The following FLVCR1 variants were observed in gnomAD, a reference collection of about 807,000 sequenced individuals.
The protein encoded by FLVCR1 is choline/ethanolamine transporter FLVCR1.
In FLVCR1, 34 loss-of-function variants were observed where a neutral mutation model predicts 53.6. The observed-to-expected ratio is 0.63, with a 90% CI of 0.48 to 0.84. FLVCR1 has a LOEUF of 0.84. Among genes scored for constraint, FLVCR1 ranks in the 40% least tolerant of loss-of-function variants. The pLI is 0.00. For synonymous variants in FLVCR1, 300 were observed against 286.3 expected, an observed-to-expected ratio of 1.05 and a Z score of -0.48; for missense variants, 677 against 696.7, an observed-to-expected ratio of 0.97 and a Z score of 0.32.
At chr1:212,877,811 A>C (rs7528119) in intron 3 of FLVCR1, among the ~76,000 whole-genome samples, 103,849 of 151,632 alleles carry the variant, frequency 0.68, 37,168 homozygotes, top group East Asian at 1. Context: ...TAAAGGCAAA[A>C]GTTAGAGCCA....
intron 1 of FLVCR1, among the ~76,000 whole-genome samples, chr1:212,862,446 G>A (rs1664273544): frequency 6.6e-6 from 1 of 152,096 alleles, no homozygotes; most frequent in African/African-American, 2.4e-5. Flanking sequence ...TTTTGTGTCT[G>A]GCTTCTTTCA....
chr1:212,892,378 G>C lies in FLVCR1; in HGVS notation c.1526-2608G>C, dbSNP rs944905801. ...TGACTTCACATTGAAACTAATGCTT[G>C]TTGACCATTCTGAAAATCCTAGGGC... is the stretch of plus-strand genomic sequence containing the variant. On this transcript the variant is annotated intron_variant, in intron 8 of 9. Transcript: ENST00000366971. 2.0e-5 allele frequency among the ~76,000 whole-genome samples: 3 copies of C among 152,336 alleles called. No homozygotes were observed. The East Asian group carries it at 5.8e-4, about 29-fold the overall frequency.
intron 2 of FLVCR1, among the ~76,000 whole-genome samples, chr1:212,865,485 A>ATTTTTTTTTTTTTTTTTTT (rs58544929): frequency 3.0e-5 from 4 of 133,654 alleles, no homozygotes; most frequent in Non-Finnish European, 3.1e-5. Context: ...TGCAATAGGG[A>ATTTTTTTTTTTTTTTTTTT]TTTTTTTTTT....
intron 2 of FLVCR1, among the ~76,000 whole-genome samples, chr1:212,866,474 CTTTT>C (rs200827176): frequency 1.3e-4 from 19 of 147,726 alleles, no homozygotes; most frequent in South Asian, 8.5e-4. Flanking sequence ...TCTGATTTTC[CTTTT>C]TTTTTTTTTT....
intron 5 of FLVCR1, 60 bp from the exon 6 acceptor site, chr1:212,887,831 A>G: frequency 1.1e-6 from 1 of 891,492 alleles, no homozygotes; most frequent in East Asian, 2.4e-5. Flanking sequence ...AAGAGTGATG[A>G]TTTTTGTATT....
chr1:212,859,231 G>T (rs764476486), intron 1 of FLVCR1, 41 bp downstream of exon 1: 14 of 1,613,684 alleles, frequency 8.7e-6, no homozygotes, highest in Non-Finnish European at 1.0e-5. Flanking sequence ...ATCCTTAAAA[G>T]ACCGGAAAAA....
chr1:212,895,167 A>G (rs1665300423), intron 9 of FLVCR1, 49 bp from the exon 10 acceptor site: 1 of 1,448,864 alleles, frequency 6.9e-7, no homozygotes, highest in Admixed American at 1.7e-5. Context: ...CTGTTATAAT[A>G]GGATATGCCA....
chr1:212,894,908 C>A (rs1033277758), intron 8 of FLVCR1, 78 bp from the exon 9 acceptor site: 20 of 943,088 alleles, frequency 2.1e-5, no homozygotes, highest in African/African-American at 3.2e-5. Flanking sequence ...TTTGACAATA[C>A]CAAGAAAGAC....
Position 212,858,968 on chromosome 1 carries a change from C to T in FLVCR1, c.516C>T (p.Gly172=), listed in dbSNP as rs750063360. 9 of 1,614,136 alleles carry T rather than the reference C, an allele frequency of 5.6e-6. No homozygotes were observed. Among genetic ancestry groups the T allele is most frequent in the African/African-American group, 1.3e-5 (1 of 75,070 alleles). The change falls in exon 1 of 10, where the codon GGC becomes GGT. Residue 172 remains glycine (G), a synonymous_variant. Transcript: ENST00000366971. ...CCACCTGGCTGCTGGACACCAGAGGCCTGCGGCTCACCGCCCTGCTGGGCT... is the reference window on the plus strand; with the variant it reads ...CCACCTGGCTGCTGGACACCAGAGGTCTGCGGCTCACCGCCCTGCTGGGCT... ...FPATWLLDTR[G]LRLTALLGSG...
chr1:212,863,944 T>G (rs1421976130), intron 2 of FLVCR1, 75 bp downstream of exon 2: 3 of 1,245,784 alleles, frequency 2.4e-6, no homozygotes, highest in Non-Finnish European at 3.5e-6. Context: ...CTGGAAATTT[T>G]TGTTGATAAT....
chr1:212,875,532 T>C (rs976268675), intron 3 of FLVCR1, among the ~76,000 whole-genome samples: 3 of 152,144 alleles, frequency 2.0e-5, no homozygotes, highest in Non-Finnish European at 4.4e-5. Context: ...TTTGGTGTCT[T>C]TGATACCACA....
intron 3 of FLVCR1, among the ~76,000 whole-genome samples, chr1:212,879,390 G>A (rs1002854373): frequency 2.6e-5 from 4 of 152,084 alleles, no homozygotes; most frequent in Non-Finnish European, 5.9e-5. Flanking sequence ...CCCCCTCCGT[G>A]CCTAATATGA....
intron 5 of FLVCR1, among the ~76,000 whole-genome samples, chr1:212,886,990 T>G (rs931363997): frequency 4.6e-5 from 7 of 152,110 alleles, no homozygotes; most frequent in African/African-American, 1.4e-4. Flanking sequence ...ACCCCTGTAC[T>G]TGGAAATGAA....
chr1:212,859,121 C>G lies in FLVCR1; in HGVS notation c.669C>G (p.Arg223=), dbSNP rs1165292425. ...AQVFILGLPS[R]IASVWFGPKE... is the part of the protein sequence containing the mutation. ...TGTTCATCCTGGGCTTGCCCTCCCG[C>G]ATCGCCTCAGTGTGGTTTGGGCCCA... Residue 223 remains arginine, a synonymous_variant, in exon 1 of 10, where the codon CGC becomes CGG. Transcript: ENST00000366971. 22 of 1,613,946 alleles carry G rather than the reference C, an allele frequency of 1.4e-5. No homozygotes were observed. The highest frequency in any genetic ancestry group is 1.9e-5 in the Non-Finnish European group (22 of 1,180,012).
chr1:212,877,520 T>C (rs1037887138), intron 3 of FLVCR1, among the ~76,000 whole-genome samples: 3 of 152,086 alleles, frequency 2.0e-5, no homozygotes, highest in Non-Finnish European at 4.4e-5. Context: ...GCCATGAATG[T>C]CTTTTGAGAA....
At chr1:212,894,702 T>G (rs930190599) in intron 8 of FLVCR1, among the ~76,000 whole-genome samples, 2 of 152,204 alleles carry the variant, frequency 1.3e-5, no homozygotes, top group South Asian at 4.1e-4. Flanking sequence ...CTTGTTTACA[T>G]GTCAAAGTTT....
At position 212,897,003 on chromosome 1, in the gene FLVCR1, A is replaced by T. The variant is rs1343297456; in HGVS notation, c.*1713A>T. 4 of 151,632 alleles carry T rather than the reference A, an allele frequency of 2.6e-5. No homozygotes were observed. Among genetic ancestry groups the T allele is most frequent in the African/African-American group, 9.7e-5 (4 of 41,158 alleles). The allele number at this position is 151,632 out of a possible 1,614,324, so 9.4% of individuals were successfully genotyped here. A position where few individuals can be genotyped will look rare whatever the true frequency, so the allele number is the denominator to read the frequency against. On this transcript the variant is annotated 3_prime_UTR_variant, in exon 10 of 10. Transcript: ENST00000366971. ...AGCCTGGCCAAGATGGTGAAACCCCATCTCTACTAAAAATACAAAAATTAG... is the reference window on the plus strand; with the variant it reads ...AGCCTGGCCAAGATGGTGAAACCCCTTCTCTACTAAAAATACAAAAATTAG...
chr1:212,883,122 A>G (rs1485833417), intron 3 of FLVCR1, among the ~76,000 whole-genome samples: 1 of 152,188 alleles, frequency 6.6e-6, no homozygotes, highest in Non-Finnish European at 1.5e-5. Context: ...TCTAAATAAT[A>G]ATAGTATTAG....
Position 212,895,312 on chromosome 1 carries a change from C to T in FLVCR1, c.*22C>T. The T allele has an allele frequency of 1.9e-6, 3 of 1,570,728 alleles. No individual in the cohort carries two copies. The highest frequency in any genetic ancestry group is 2.6e-6 in the Non-Finnish European group (3 of 1,140,330). ...TTGAAGAGAAAGGCAAAGTTACTGTCCTGTAGTAATTGGGGACAATGTGAT... is the reference window on the plus strand; with the variant it reads ...TTGAAGAGAAAGGCAAAGTTACTGTTCTGTAGTAATTGGGGACAATGTGAT... On this transcript the variant is annotated 3_prime_UTR_variant, in exon 10 of 10. Coordinates refer to ENST00000366971, the MANE Select transcript of FLVCR1 (RefSeq NM_014053.4).
Sources: gnomAD v4.1 joint callset for allele counts (sites outside exome capture counted in the v4.1 genomes callset) on GRCh38, gnomAD v4.1.1 for gene constraint, MANE v1.5 for transcripts, NCBI Gene and HGNC (gene_info 2026-07-23, HGNC 2026-07-21) for gene names.